Variants in HMGN5 observed in about 807,000 individuals in gnomAD.
The protein encoded by HMGN5 is high mobility group nucleosome binding domain 5.
In HMGN5, 4 loss-of-function variants were observed where a neutral mutation model predicts 9.5. That is an observed-to-expected ratio of 0.42 (90% CI 0.21 to 0.96). The LOEUF (loss-of-function observed/expected upper bound fraction) is 0.96. HMGN5 is among the 40% of genes least tolerant of loss of function. The pLI is 0.30. For synonymous variants in HMGN5, 55 were observed against 57.1 expected, an observed-to-expected ratio of 0.96 and a Z score of 0.16; for missense variants, 192 against 187.5, an observed-to-expected ratio of 1.02 and a Z score of -0.14.
chrX:81,169,362 G>GT (rs1457937380), intron 1 of HMGN5, among the ~76,000 whole-genome samples: 8 of 111,384 alleles, frequency 7.2e-5, no homozygotes, highest in Non-Finnish European at 1.5e-4. Context: ...GTACTATAAA[G>GT]TTTTTTTATA....
chrX:81,121,068 A>G (rs1312206462), intron 2 of HMGN5, among the ~76,000 whole-genome samples: 1 of 110,092 alleles, frequency 9.1e-6, no homozygotes, highest in Admixed American at 9.6e-5. Context: ...AGGGAAGGAA[A>G]AAAAAAAAAG....
chrX:81,140,345 G>A (rs1347491645), intron 1 of HMGN5, among the ~76,000 whole-genome samples: 1 of 110,457 alleles, frequency 9.1e-6, no homozygotes, highest in Non-Finnish European at 1.9e-5. Context: ...CGGATCACGA[G>A]GTCAGGAGAT....
chrX:81,188,775 C>T (rs2075485817), intron 1 of HMGN5, among the ~76,000 whole-genome samples: 1 of 110,691 alleles, frequency 9.0e-6, no homozygotes, highest in African/African-American at 3.3e-5. Flanking sequence ...TGGTTTCCAG[C>T]TTCATCCATG....
At chrX:81,195,020 G>T (rs1396385937) in intron 1 of HMGN5, 1 of 111,599 alleles carries the variant, frequency 9.0e-6, no homozygotes, top group East Asian at 2.8e-4. Flanking sequence ...GATGTGGGGG[G>T]AAGATAGAGA....
At chrX:81,125,601 A>C (rs1055349155) in intron 1 of HMGN5, among the ~76,000 whole-genome samples, 1 of 111,930 alleles carries the variant, frequency 8.9e-6, no homozygotes, top group African/African-American at 3.3e-5. Context: ...CAGATAGATT[A>C]TTTTTCCAGT....
chrX:81,129,370 TTTAA>T (rs1359912046), intron 1 of HMGN5, among the ~76,000 whole-genome samples: 2 of 111,788 alleles, frequency 1.8e-5, no homozygotes, highest in Non-Finnish European at 3.8e-5. Context: ...TTTGCATATC[TTTAA>T]TTACGAGTGA....
chrX:81,144,504 A>G lies in HMGN5; in HGVS notation c.-123-22832T>C, dbSNP rs183906838. ...GAAACCCCATTTGAAAGTCACCAAC[A>G]TCAAAGACCAAAGGTAGATAAATCC... On this transcript the variant is annotated intron_variant, in intron 1 of 6. Coordinates refer to ENST00000358130, the MANE Select transcript of HMGN5 (RefSeq NM_030763.3). 3.2e-3 allele frequency among the ~76,000 whole-genome samples: 364 copies of G among 112,331 alleles called. 2 individuals carry two copies. The highest frequency in any genetic ancestry group is 0.011 in the African/African-American group (339 of 30,941).
intron 1 of HMGN5, among the ~76,000 whole-genome samples, chrX:81,155,136 TAC>T (rs1184667087): frequency 2.0e-5 from 2 of 99,519 alleles, no homozygotes; most frequent in Non-Finnish European, 4.0e-5. Flanking sequence ...TATATATATA[TAC>T]TCTTAAAACT....
At chrX:81,124,636 A>G (rs59401839) in intron 1 of HMGN5, among the ~76,000 whole-genome samples, 2,059 of 112,088 alleles carry the variant, frequency 0.018, 41 homozygotes, top group African/African-American at 0.063. Flanking sequence ...CACTCTACAT[A>G]CCTTCTGTAG....
At chrX:81,127,081 G>A (rs1820717497) in intron 1 of HMGN5, among the ~76,000 whole-genome samples, 2 of 111,889 alleles carry the variant, frequency 1.8e-5, no homozygotes, top group South Asian at 7.4e-4. Flanking sequence ...TTAAAATATG[G>A]AAATGTAGAT....
intron 1 of HMGN5, among the ~76,000 whole-genome samples, chrX:81,190,426 C>T (rs760435407): frequency 2.7e-5 from 3 of 110,961 alleles, no homozygotes; most frequent in Non-Finnish European, 5.7e-5. Context: ...GACATTCTCA[C>T]GACCCCATAA....
At chrX:81,179,107 C>T (rs1044525197) in intron 1 of HMGN5, among the ~76,000 whole-genome samples, 1 of 111,554 alleles carries the variant, frequency 9.0e-6, no homozygotes, top group Non-Finnish European at 1.9e-5. Context: ...ACTGAATGGA[C>T]AAAAACTGGA....
intron 1 of HMGN5, among the ~76,000 whole-genome samples, chrX:81,168,184 G>A (rs1241392067): frequency 8.9e-6 from 1 of 111,809 alleles, no homozygotes; most frequent in Admixed American, 9.6e-5. Context: ...AGTATTCCAG[G>A]TGACCTCTAT....
chrX:81,177,252 CT>C (rs1299423211), intron 1 of HMGN5, among the ~76,000 whole-genome samples: 1 of 105,584 alleles, frequency 9.5e-6, no homozygotes. Flanking sequence ...CCAAACTAAG[CT>C]TCATAAGTGA....
intron 1 of HMGN5, among the ~76,000 whole-genome samples, chrX:81,141,462 CAGAGAGAGAGAG>C (rs35363364): frequency 2.1e-5 from 2 of 94,138 alleles, no homozygotes; most frequent in South Asian, 5.7e-4. Context: ...TGATGCAAAA[CAGAGAGAGAGAG>C]AGAGAGAGAG....
At chrX:81,182,484 G>A (rs182712891) in intron 1 of HMGN5, among the ~76,000 whole-genome samples, 57 of 111,611 alleles carry the variant, frequency 5.1e-4, no homozygotes, top group Middle Eastern at 9.3e-3. Flanking sequence ...GTTTAACTCC[G>A]TCCCCATTGG....
At chrX:81,116,121 A>C (rs1393133553) in intron 6 of HMGN5, 83 bp downstream of exon 6, 2 of 741,124 alleles carry the variant, frequency 2.7e-6, no homozygotes, top group Admixed American at 6.8e-5. Context: ...CCAACTTATA[A>C]ACTAAAAGGC....
At chrX:81,121,487 T>C (rs1050484782) in intron 2 of HMGN5, 48 bp downstream of exon 2, 3 of 1,148,478 alleles carry the variant, frequency 2.6e-6, no homozygotes, top group Admixed American at 2.2e-5. Flanking sequence ...TATTAGGAAA[T>C]AGGTAACTCA....
chrX:81,144,657 T>A (rs943239406), intron 1 of HMGN5, among the ~76,000 whole-genome samples: 1 of 111,537 alleles, frequency 9.0e-6, no homozygotes, highest in African/African-American at 3.3e-5. Context: ...GTTTGATGAA[T>A]TGACAGAAGC....
Sources: allele counts gnomAD v4.1 joint callset (sites outside exome capture counted in the v4.1 genomes callset), GRCh38; gene constraint gnomAD v4.1.1; transcripts MANE v1.5; gene names NCBI Gene and HGNC (gene_info 2026-07-23, HGNC 2026-07-21).